SLC19A1: variants seen among roughly 807,000 people sequenced by gnomAD.
The protein encoded by SLC19A1 is reduced folate transporter.
A neutral mutation model predicts 35.3 loss-of-function variants in SLC19A1; 37 were observed. That is an observed-to-expected ratio of 1.05 (90% CI 0.81 to 1.38). SLC19A1 has a LOEUF of 1.38. Among genes scored for constraint, SLC19A1 ranks in the 40% most tolerant of loss-of-function variants. The pLI is 0.00. For missense variants in SLC19A1, 831 were observed against 826.9 expected, an observed-to-expected ratio of 1.00 and a Z score of -0.06; for synonymous variants, 460 against 398.5, an observed-to-expected ratio of 1.15 and a Z score of -1.84.
At chr21:45,527,367 G>A (rs1188580236) in intron 4 of SLC19A1, among the ~76,000 whole-genome samples, 1 of 150,698 alleles carries the variant, frequency 6.6e-6, no homozygotes, top group African/African-American at 2.5e-5. Context: ...AGGCAGGGCA[G>A]GCCCTGGAGG....
At position 45,532,160 on chromosome 21, in the gene SLC19A1, C is replaced by T. The variant is rs1292371728; in HGVS notation, c.190-12G>A. On this transcript the variant is annotated splice_polypyrimidine_tract_variant and intron_variant, in intron 2 of 5. Coordinates refer to ENST00000311124, the MANE Select transcript of SLC19A1 (RefSeq NM_194255.4). ...ATCTCGTTCGTGACCTGCGGACAGG[C>T]GGGCGTGCGCCCCACCAGGTGTTAG... 1.3e-6 allele frequency: 2 copies of T among 1,573,490 alleles called. No homozygotes were observed. Among genetic ancestry groups the T allele is most frequent in the Non-Finnish European group, 1.7e-6 (2 of 1,155,688 alleles).
chr21:45,505,406 C>G lies in SLC19A1; in HGVS notation c.498-6794G>C, dbSNP rs773571358. 2.5e-6 allele frequency: 4 copies of G among 1,576,472 alleles called. No homozygotes were observed. Among genetic ancestry groups the G allele is most frequent in the Non-Finnish European group, 3.5e-6 (4 of 1,152,426 alleles). ...GGCCCCCCTGGGCCCCCTGGGCCCC[C>G]TGGAACCATGGGCGCCTCCTCAGGG... On this transcript the variant is annotated intron_variant, in intron 3 of 4. Coordinates refer to the SLC19A1 transcript ENST00000417954.
At chr21:45,546,399 C>A (rs2078415977), upstream of SLC19A1, among the ~76,000 whole-genome samples, 1 of 152,254 alleles carries the variant, frequency 6.6e-6, no homozygotes, top group Non-Finnish European at 1.5e-5. Flanking sequence ...CACTTCTTCC[C>A]TGGAAGGGTG....
At chr21:45,521,166 T>G (rs185924771) in intron 5 of SLC19A1, among the ~76,000 whole-genome samples, 1 of 152,140 alleles carries the variant, frequency 6.6e-6, no homozygotes, top group African/African-American at 2.4e-5. Context: ...CACCTTAATC[T>G]CAGACTTCAA....
upstream of SLC19A1, among the ~76,000 whole-genome samples, chr21:45,542,767 G>A (rs2078353511): frequency 6.7e-6 from 1 of 150,128 alleles, no homozygotes; most frequent in African/African-American, 2.5e-5. Flanking sequence ...CGGGCACCCT[G>A]CCATCCCTCT....
At chr21:45,537,533 C>T (rs1482297274) in intron 2 of SLC19A1, among the ~76,000 whole-genome samples, 5 of 148,262 alleles carry the variant, frequency 3.4e-5, no homozygotes, top group East Asian at 4.0e-4. Context: ...TGCTCCCCGC[C>T]CACCCACAGG....
At chr21:45,549,992 G>A (rs2078450094) in intron 1 of SLC19A1, among the ~76,000 whole-genome samples, 1 of 152,016 alleles carries the variant, frequency 6.6e-6, no homozygotes, top group Non-Finnish European at 1.5e-5. Flanking sequence ...AGGCTGCAGA[G>A]CCCCGAACTC....
At position 45,515,978 on chromosome 21, in the gene SLC19A1, C is replaced by G. The variant is rs770683387; in HGVS notation, c.1456G>C (p.Val486Leu). 8 of 1,554,874 alleles carry G rather than the reference C, an allele frequency of 5.1e-6. No homozygotes were observed. The highest frequency in any genetic ancestry group is 7.0e-6 in the Non-Finnish European group (8 of 1,150,444). ...AEEKAAQALSVQDKGLGGLQP... is the reference protein window; with the variant it reads ...AEEKAAQALSLQDKGLGGLQP... ...AGGCCTCCGAGGCCCTTGTCCTGCA[C>G]GCTCAGTGCCTGTGCTGCCTTCTCC... is the stretch of plus-strand genomic sequence containing the variant. The change falls in exon 6 of 6, where the codon GTG becomes CTG. Residue 486 changes from valine to leucine, a missense_variant. Coordinates refer to ENST00000311124, the MANE Select transcript of SLC19A1 (RefSeq NM_194255.4).
intron 3 of SLC19A1, chr21:45,507,001 C>G: frequency 3.4e-6 from 1 of 290,048 alleles, no homozygotes; most frequent in East Asian, 8.7e-5. Flanking sequence ...CCCATCCTAA[C>G]TTTCAGGGGC....
At chr21:45,523,157 A>C (rs148860450) in intron 5 of SLC19A1, among the ~76,000 whole-genome samples, 2 of 152,010 alleles carry the variant, frequency 1.3e-5, no homozygotes, top group East Asian at 3.9e-4. Flanking sequence ...CCAAGCCTGA[A>C]CTCCTGGCCC....
chr21:45,504,257 T>C, intron 3 of SLC19A1: 2 of 867,274 alleles, frequency 2.3e-6, no homozygotes, highest in Non-Finnish European at 3.7e-6. Flanking sequence ...GCTGATGCAG[T>C]GGGAGGTGGG....
At chr21:45,512,327 A>G (rs1414960073), downstream of SLC19A1, 1 of 1,612,562 alleles carries the variant, frequency 6.2e-7, no homozygotes, top group Non-Finnish European at 8.5e-7. Context: ...CCTGGGGCAG[A>G]GTGCCGCGAG....
intron 2 of SLC19A1, chr21:45,536,047 G>T (rs1275911120): frequency 8.8e-6 from 3 of 339,912 alleles, no homozygotes; most frequent in Non-Finnish European, 1.3e-5. Context: ...TGAAGTTCTT[G>T]TCGGGCCCCA....
At chr21:45,553,599 G>C (rs1358848989) in intron 1 of SLC19A1, among the ~76,000 whole-genome samples, 1 of 147,122 alleles carries the variant, frequency 6.8e-6, no homozygotes, top group Non-Finnish European at 1.5e-5. Context: ...CTGAAGCTCT[G>C]CACCCAAGAC....
upstream of SLC19A1, among the ~76,000 whole-genome samples, chr21:45,548,510 G>A (rs903286404): frequency 3.3e-5 from 5 of 152,172 alleles, no homozygotes; most frequent in Admixed American, 6.5e-5. Flanking sequence ...TTGGGAGGCC[G>A]AGGCAGGTTG....
chr21:45,506,027 T>G (rs1638358649), intron 3 of SLC19A1: 1 of 1,611,084 alleles, frequency 6.2e-7, no homozygotes, highest in Admixed American at 1.7e-5. Context: ...CTCCTGGGGC[T>G]TAAGGAAGGC....
At chr21:45,505,264 G>A (rs748117241) in intron 3 of SLC19A1, 2 of 1,607,560 alleles carry the variant, frequency 1.2e-6, no homozygotes, top group Non-Finnish European at 1.7e-6. Flanking sequence ...TCATTTCCTG[G>A]CCCTCACAGG....
intron 2 of SLC19A1, among the ~76,000 whole-genome samples, chr21:45,536,945 C>T (rs1277346326): frequency 1.3e-5 from 2 of 152,288 alleles, no homozygotes; most frequent in East Asian, 1.9e-4. Context: ...CGGATACGGC[C>T]GCTCCCGCCT....
chr21:45,538,166 A>C (rs1389406521), intron 1 of SLC19A1, among the ~76,000 whole-genome samples, 158 bp from the exon 2 acceptor site: 2 of 152,104 alleles, frequency 1.3e-5, no homozygotes, highest in Non-Finnish European at 2.9e-5. Flanking sequence ...CCGTAGCACC[A>C]AACTGGGAGC....
Sources: gnomAD v4.1 joint callset for allele counts (sites outside exome capture counted in the v4.1 genomes callset) on GRCh38, gnomAD v4.1.1 for gene constraint, MANE v1.5 for transcripts, NCBI Gene and HGNC (gene_info 2026-07-23, HGNC 2026-07-21) for gene names.